The following NUP160 variants were observed in gnomAD, a reference collection of about 807,000 sequenced individuals.
NUP160 encodes the protein nuclear pore complex protein Nup160.
Under a neutral mutation model 196.9 loss-of-function variants are expected in NUP160, and 94 were observed. The ratio of observed to expected loss-of-function variants is 0.48; its 90% CI spans 0.40 to 0.57. The LOEUF is 0.57. Ranked by LOEUF, NUP160 falls within the 20% of genes least tolerant of loss-of-function variation. The pLI is 0.00. For missense variants in NUP160, 1,638 were observed against 1,748.3 expected, an observed-to-expected ratio of 0.94 and a Z score of 1.13; for synonymous variants, 605 against 619.7, an observed-to-expected ratio of 0.98 and a Z score of 0.35.
chr11:47,786,656 CTT>C (rs2097664710), intron 31 of NUP160, 102 bp from the exon 32 acceptor site: 2 of 719,474 alleles, frequency 2.8e-6, no homozygotes, highest in Non-Finnish European at 4.9e-6. Flanking sequence ...CATCTCTAGT[CTT>C]TTGCTGAATT....
intron 13 of NUP160, among the ~76,000 whole-genome samples, chr11:47,814,605 A>C (rs568895117): frequency 6.6e-6 from 1 of 151,964 alleles, no homozygotes; most frequent in Admixed American, 6.6e-5. Context: ...GCAAAATCTG[A>C]ATATAAACTA....
At chr11:47,815,781 T>C (rs17727140) in intron 12 of NUP160, 132 bp from the exon 13 acceptor site, 122,514 of 910,984 alleles carry the variant, frequency 0.13, 9,189 homozygotes, top group Non-Finnish European at 0.16. Context: ...TTAAAGGCCA[T>C]AGACTATGCA....
chr11:47,828,547 A>C (rs1852015404), intron 7 of NUP160, among the ~76,000 whole-genome samples: 1 of 152,234 alleles, frequency 6.6e-6, no homozygotes, highest in Non-Finnish European at 1.5e-5. Flanking sequence ...AATTTTTATC[A>C]GAATCTCAGC....
chr11:47,801,028 C>T (rs553636216), intron 23 of NUP160, among the ~76,000 whole-genome samples: 10 of 152,240 alleles, frequency 6.6e-5, no homozygotes, highest in East Asian at 1.9e-4. Flanking sequence ...ATAGAGCATG[C>T]GCTTGACTTG....
At chr11:47,804,474 A>T in intron 21 of NUP160, 75 bp downstream of exon 21, 3 of 964,862 alleles carry the variant, frequency 3.1e-6, no homozygotes, top group Middle Eastern at 2.1e-4. Flanking sequence ...TGCAGTTAAC[A>T]TTTACAAAGA....
Position 47,836,867 on chromosome 11 carries a change from A to G in NUP160, c.942+20T>C. The G allele has an allele frequency of 7.3e-7, 1 of 1,374,716 alleles. No homozygotes were observed. The highest frequency in any genetic ancestry group is 1.0e-6 in the Non-Finnish European group (1 of 966,166). The allele number at this position is 1,374,716 out of a possible 1,614,324, so 85.2% of individuals were successfully genotyped here. ...CACAATCCTGTTTTAACTTACAGCA[A>G]CTATAAATGTAGCACTTACCTTGTA... is the stretch of plus-strand genomic sequence containing the variant. On this transcript the variant is annotated intron_variant, in intron 6 of 35. Coordinates refer to ENST00000378460, the Ensembl canonical transcript of NUP160.
chr11:47,806,352 A>G (rs1341937467), intron 19 of NUP160, 40 bp from the exon 20 acceptor site: 3 of 1,491,056 alleles, frequency 2.0e-6, no homozygotes, highest in Non-Finnish European at 2.8e-6. Flanking sequence ...TGTAGTGGTA[A>G]TTATCAATTT....
chr11:47,796,488 T>A, intron 27 of NUP160: 1 of 277,856 alleles, frequency 3.6e-6, no homozygotes. Context: ...AGTAAGTAAA[T>A]AAATAAATAG....
rs373842346 is a variant in NUP160 at position 47,784,954 on chromosome 11, G to T, written c.3958C>A (p.Pro1320Thr). The change falls in exon 33 of 36, where the codon CCT becomes ACT. Residue 1320 changes from proline (P) to threonine (T), a missense_variant. By Grantham distance (38) the Pro-to-Thr change is conservative. Around this residue, in one of 3 missense-constraint regions of NUP160, gnomAD observed 1,345 missense variants for 1,470.2 expected, o/e 0.91. Coordinates refer to ENST00000378460, the Ensembl canonical transcript of NUP160. ...CTGTTTATAAGCCAATTAGGCAGAG[G>T]CACTCCATGAGACAAGAGCTTGTTG... 64 of 1,603,014 alleles carry T rather than the reference G, an allele frequency of 4.0e-5. No homozygotes were observed. The highest frequency in any genetic ancestry group is 5.0e-5 in the Non-Finnish European group (59 of 1,173,908).
At chr11:47,813,888 G>A (rs1047459808) in intron 13 of NUP160, among the ~76,000 whole-genome samples, 7 of 151,618 alleles carry the variant, frequency 4.6e-5, no homozygotes, top group Non-Finnish European at 1.0e-4. Flanking sequence ...TGGCTAACAC[G>A]GTGAAACCCC....
chr11:47,802,477 C>A (rs1365048586), intron 22 of NUP160, among the ~76,000 whole-genome samples: 4 of 151,674 alleles, frequency 2.6e-5, no homozygotes, highest in Non-Finnish European at 4.4e-5. Context: ...ATGATTGACA[C>A]ATACATACAT....
chr11:47,801,741 T>C, intron 23 of NUP160, 70 bp downstream of exon 23: 1 of 1,386,128 alleles, frequency 7.2e-7, no homozygotes, highest in Non-Finnish European at 9.9e-7. Flanking sequence ...TCTCCAAAAA[T>C]AGCAAAGCAA....
chr11:47,808,273 A>G (rs1046870376), intron 18 of NUP160, 123 bp downstream of exon 18: 1 of 869,598 alleles, frequency 1.1e-6, no homozygotes, highest in African/African-American at 1.7e-5. Flanking sequence ...AGAGAGCGAG[A>G]CTCTGTCTCA....
rs530136597 is a variant in NUP160 at position 47,833,740 on chromosome 11, G to C, written c.1101+1911C>G. Among the ~76,000 whole-genome samples, 10 of 152,010 alleles carry C rather than the reference G, an allele frequency of 6.6e-5. No individual in the cohort carries two copies. The East Asian group carries it at 2.0e-3, about 30-fold the overall frequency. On this transcript the variant is annotated intron_variant, in intron 7 of 35. Transcript: ENST00000378460. ...GTACTCTGGGAGGCCGAAGTGGGCA[G>C]ATCACAAGGTCAGGAGTTCGAGACC...
chr11:47,806,318 A>T lies in NUP160; in HGVS notation c.2447-6T>A. 1 of 1,604,714 alleles carries T rather than the reference A, an allele frequency of 6.2e-7. No homozygotes were observed. The highest frequency in any genetic ancestry group is 8.5e-7 in the Non-Finnish European group (1 of 1,174,088). On this transcript the variant is annotated splice_region_variant and splice_polypyrimidine_tract_variant and intron_variant, in intron 19 of 35. Coordinates refer to ENST00000378460, the Ensembl canonical transcript of NUP160. The stretch of plus-strand genomic sequence containing the variant: ...AATAGTCTGAGGACTAGATACTTAA[A>T]AAGAAAAAGTTATGACAGTTTTGTG...
intron 7 of NUP160, among the ~76,000 whole-genome samples, chr11:47,828,210 A>G (rs1182691287): frequency 1.3e-5 from 2 of 152,186 alleles, no homozygotes; most frequent in Admixed American, 1.3e-4. Context: ...AGAAAATCCT[A>G]ATGAATCCAT....
intron 23 of NUP160, among the ~76,000 whole-genome samples, chr11:47,798,874 T>C (rs1599314512): frequency 6.6e-6 from 1 of 150,786 alleles, no homozygotes; most frequent in Non-Finnish European, 1.5e-5. Flanking sequence ...TAAATACTTG[T>C]TGAGGCTGGG....
intron 35 of NUP160, 108 bp downstream of exon 35, chr11:47,780,235 A>G: frequency 1.3e-6 from 1 of 770,632 alleles, no homozygotes; most frequent in African/African-American, 1.7e-5. Flanking sequence ...GGCCAAAAAT[A>G]GGCTTTTGTC....
intron 25 of NUP160, 42 bp downstream of exon 25, chr11:47,798,121 AAACAG>A: frequency 6.5e-7 from 1 of 1,548,858 alleles, no homozygotes; most frequent in South Asian, 1.1e-5. Flanking sequence ...TTAGTAGGTT[AAACAG>A]AGTTGGTAAA....
Sources: gnomAD v4.1 joint callset for allele counts (sites outside exome capture counted in the v4.1 genomes callset) on GRCh38, gnomAD v4.1.1 for gene constraint, gnomAD v4.1.1 regional missense constraint, MANE v1.5 for transcripts, NCBI Gene and HGNC (gene_info 2026-07-23, HGNC 2026-07-21) for gene names.